The following TMEM181 variants were observed in gnomAD, a reference collection of about 807,000 sequenced individuals.
The protein encoded by TMEM181 is transmembrane protein 181, also known as G protein-coupled receptor 178.
In TMEM181, 39 loss-of-function variants were observed where a neutral mutation model predicts 71.9. The ratio of observed to expected loss-of-function variants is 0.54; its 90% CI spans 0.42 to 0.71. TMEM181 has a LOEUF of 0.71. Among genes scored for constraint, TMEM181 ranks in the 30% least tolerant of loss-of-function variants. TMEM181 has a pLI of 0.00. For missense variants in TMEM181, 595 were observed against 583.0 expected (o/e 1.02, Z -0.21); for synonymous variants, 245 against 228.8 (o/e 1.07, Z -0.64).
chr6:158,561,183 GT>G (rs1488824874), intron 1 of TMEM181, among the ~76,000 whole-genome samples: 4 of 152,232 alleles, frequency 2.6e-5, no homozygotes, highest in African/African-American at 9.6e-5. Flanking sequence ...GGCTGTGGAC[GT>G]GGTCAGAGAA....
At chr6:158,631,007 G>A (rs1289539341) in intron 15 of TMEM181, among the ~76,000 whole-genome samples, 1 of 152,230 alleles carries the variant, frequency 6.6e-6, no homozygotes, top group Non-Finnish European at 1.5e-5. Context: ...CACCTCTCCT[G>A]GGGCCTATGT....
intron 10 of TMEM181, among the ~76,000 whole-genome samples, chr6:158,614,365 A>G (rs1785491976): frequency 6.6e-6 from 1 of 152,228 alleles, no homozygotes; most frequent in South Asian, 2.1e-4. Flanking sequence ...ACCATTCCTC[A>G]TCCTTTTTAT....
chr6:158,630,931 C>A (rs759898634), intron 15 of TMEM181, among the ~76,000 whole-genome samples: 4 of 152,124 alleles, frequency 2.6e-5, no homozygotes, highest in Non-Finnish European at 5.9e-5. Flanking sequence ...TATAATCATG[C>A]CCGTTTTACA....
chr6:158,576,449 T>G (rs1324164712), intron 2 of TMEM181, among the ~76,000 whole-genome samples: 1 of 152,058 alleles, frequency 6.6e-6, no homozygotes, highest in Non-Finnish European at 1.5e-5. Flanking sequence ...TAACGTTACT[T>G]CCAGGGGATT....
chr6:158,610,207 T>C (rs1785215417), intron 10 of TMEM181: 1 of 230,876 alleles, frequency 4.3e-6, no homozygotes, highest in African/African-American at 2.3e-5. Context: ...GAAGCCTGTT[T>C]CTCCAAATGC....
exon 1 of TMEM181, chr6:158,536,828 G>C: frequency 6.4e-7 from 1 of 1,551,436 alleles, no homozygotes. Context: ...CGAGCTCAAG[G>C]AGGACCTCAC....
At chr6:158,567,561 T>A (rs1446923975) in intron 1 of TMEM181, among the ~76,000 whole-genome samples, 4 of 152,220 alleles carry the variant, frequency 2.6e-5, no homozygotes, top group Non-Finnish European at 5.9e-5. Context: ...AGCTGAACCC[T>A]GGATGCTGGG....
chr6:158,537,928 C>T (rs1035622271), intron 1 of TMEM181, among the ~76,000 whole-genome samples: 38 of 152,124 alleles, frequency 2.5e-4, no homozygotes, highest in East Asian at 2.1e-3. Flanking sequence ...GCAGCGGGAC[C>T]GTGGTCATGG....
chr6:158,603,587 G>GT (rs1784787163), intron 6 of TMEM181, among the ~76,000 whole-genome samples: 3 of 39,444 alleles, frequency 7.6e-5, no homozygotes, highest in Non-Finnish European at 9.0e-5. Context: ...TTTTTTTTCA[G>GT]GTTTTTTTTT....
chr6:158,540,413 TAA>T (rs1016626318), intron 1 of TMEM181, among the ~76,000 whole-genome samples: 1 of 152,206 alleles, frequency 6.6e-6, no homozygotes, highest in Non-Finnish European at 1.5e-5. Context: ...GAAGACGTAC[TAA>T]AAAGTGTTCC....
At position 158,573,449 on chromosome 6, in the gene TMEM181, C is replaced by G. The variant is rs757192514; in HGVS notation, c.38C>G (p.Ser13Cys). The change falls in exon 2 of 17, where the codon TCC (serine) becomes TGC (cysteine). Residue 13 changes from serine to cysteine, a missense_variant. Ser to Cys is a moderately radical substitution (Grantham distance 112). Transcript: ENST00000684151. ...PLAPMRLYTL[S>C]KRHFVLVFVV... Reference sequence around the variant, plus strand: ...GCGCCCATGCGGCTCTACACGCTCTCCAAGCGCCACTTTGTCCTCGTGTTT... The same window carrying G: ...GCGCCCATGCGGCTCTACACGCTCTGCAAGCGCCACTTTGTCCTCGTGTTT... 1.3e-6 allele frequency: 2 copies of G among 1,598,266 alleles called. No homozygotes were observed. Among genetic ancestry groups the G allele is most frequent in the South Asian group, 1.1e-5 (1 of 88,440 alleles).
chr6:158,608,403 C>T lies in TMEM181; in HGVS notation c.744C>T (p.Ser248=). The stretch of plus-strand genomic sequence containing the variant: ...GGATGCTGGATGACCTCTTTCAGTC[C>T]ATGTTCCTGTGCGCCCTGCTGCTCT... ...LPGMLDDLFQ[S]MFLCALLLFW... is the part of the protein sequence containing the mutation. The change falls in exon 9 of 17, where the codon TCC becomes TCT. Residue 248 remains serine (S), a synonymous_variant. Coordinates refer to ENST00000684151, the MANE Select transcript of TMEM181 (RefSeq NM_001376852.1). 6.2e-7 allele frequency: 1 copy of T among 1,614,240 alleles called. No homozygotes were observed. Among genetic ancestry groups the T allele is most frequent in the African/African-American group, 1.3e-5 (1 of 75,044 alleles).
chr6:158,539,904 C>T (rs138667801), intron 1 of TMEM181, among the ~76,000 whole-genome samples: 55 of 152,312 alleles, frequency 3.6e-4, no homozygotes, highest in African/African-American at 1.3e-3. Context: ...AAGAAACCCT[C>T]TTCACACGGA....
intron 5 of TMEM181, among the ~76,000 whole-genome samples, chr6:158,585,928 A>G (rs1372063148): frequency 1.3e-5 from 2 of 152,146 alleles, no homozygotes; most frequent in African/African-American, 4.8e-5. Context: ...GGGCTCAAGC[A>G]ATTCTCCTGC....
intron 1 of TMEM181, among the ~76,000 whole-genome samples, chr6:158,540,836 T>A (rs1781312820): frequency 6.6e-6 from 1 of 152,134 alleles, no homozygotes; most frequent in Admixed American, 6.6e-5. Context: ...GGTGTGGTCA[T>A]GGCTCACTGC....
Position 158,620,674 on chromosome 6 carries a change from A to G in TMEM181, c.897-2876A>G, listed in dbSNP as rs1376689042. ...CTTCAGATTAGTTGTCCTCGCACAA[A>G]TTGCTGGAAGAGTGAAGTGAGAGAA... On this transcript the variant is annotated intron_variant, in intron 10 of 16. Coordinates refer to ENST00000684151, the MANE Select transcript of TMEM181 (RefSeq NM_001376852.1). This position sits in a 1 kb window ranked among gnomAD's most constrained non-coding sequence, Gnocchi z 4.5. 1.3e-5 allele frequency among the ~76,000 whole-genome samples: 2 copies of G among 152,110 alleles called. No homozygotes were observed. Among genetic ancestry groups the G allele is most frequent in the African/African-American group, 4.8e-5 (2 of 41,414 alleles).
At chr6:158,596,210 C>T (rs898121672) in intron 6 of TMEM181, among the ~76,000 whole-genome samples, 4 of 152,180 alleles carry the variant, frequency 2.6e-5, no homozygotes, top group South Asian at 2.1e-4. Context: ...TGAGCCACTG[C>T]GCCTGGCCCA....
chr6:158,618,196 CTCT>C (rs1426442381), intron 10 of TMEM181, among the ~76,000 whole-genome samples: 2 of 152,194 alleles, frequency 1.3e-5, no homozygotes, highest in East Asian at 3.8e-4. Context: ...GGATAGTTAG[CTCT>C]TCTTGTTGCA....
chr6:158,608,348 T>C lies in TMEM181; in HGVS notation c.689T>C (p.Leu230Pro), dbSNP rs776299631. ...TGTGTTCCAGATCCGTTCTTCCCCC[T>C]CTCCTTCCTGGTCAACAGCTGGCTC... Reference protein sequence around the residue: ...LLLYNDPFFPLSFLVNSWLPG... With the variant: ...LLLYNDPFFPPSFLVNSWLPG... The change falls in exon 9 of 17, where the codon CTC becomes CCC. Residue 230 changes from leucine (L) to proline (P), a missense_variant. Coordinates refer to ENST00000684151, the MANE Select transcript of TMEM181 (RefSeq NM_001376852.1). 6.2e-7 allele frequency: 1 copy of C among 1,614,244 alleles called. No individual in the cohort carries two copies.
Sources: gnomAD v4.1 joint callset for allele counts (sites outside exome capture counted in the v4.1 genomes callset) on GRCh38, gnomAD v4.1.1 for gene constraint, Gnocchi (gnomAD v3.1) non-coding constraint, MANE v1.5 for transcripts, NCBI Gene and HGNC (gene_info 2026-07-23, HGNC 2026-07-21) for gene names.